The following DCC variants were observed in gnomAD, a reference collection of about 807,000 sequenced individuals.
DCC encodes DCC netrin 1 receptor.
A neutral mutation model predicts 172.5 loss-of-function variants in DCC; 58 were observed. The ratio of observed to expected loss-of-function variants is 0.34; its 90% CI spans 0.27 to 0.42. The LOEUF is 0.42. Ranked by LOEUF, DCC falls within the 10% of genes least tolerant of loss-of-function variation. DCC has a pLI of 1.00. For synonymous variants in DCC, 709 were observed against 644.5 expected (o/e 1.10, Z -1.52); for missense variants, 1,740 against 1,791.0 (o/e 0.97, Z 0.51).
intron 12 of DCC, among the ~76,000 whole-genome samples, chr18:53,257,811 G>A (rs1334774947): frequency 1.3e-5 from 2 of 152,270 alleles, no homozygotes; most frequent in Admixed American, 1.3e-4. Flanking sequence ...TGTACCTCTG[G>A]TAGAATTTGG....
At chr18:52,969,647 C>G (rs2040997502) in intron 5 of DCC, among the ~76,000 whole-genome samples, 1 of 150,362 alleles carries the variant, frequency 6.7e-6, no homozygotes, top group South Asian at 2.1e-4. Context: ...GTGTCTCTCT[C>G]TCTCTTTCTC....
chr18:52,945,261 A>G (rs920970815), intron 5 of DCC, among the ~76,000 whole-genome samples: 2 of 152,196 alleles, frequency 1.3e-5, no homozygotes, highest in African/African-American at 2.4e-5. Flanking sequence ...TTATATGAAC[A>G]ATGCTTAAGA....
intron 1 of DCC, among the ~76,000 whole-genome samples, chr18:52,603,459 T>A (rs564620824): frequency 6.6e-6 from 1 of 151,956 alleles, no homozygotes; most frequent in East Asian, 1.9e-4. Flanking sequence ...ACTATCAAGA[T>A]GGGAAAACTA....
chr18:52,616,890 A>AC (rs1179225494), intron 1 of DCC, among the ~76,000 whole-genome samples: 2 of 152,134 alleles, frequency 1.3e-5, no homozygotes, highest in East Asian at 3.9e-4. Context: ...TACTGGGCTT[A>AC]TTTTTGGAGG....
chr18:52,702,451 G>A (rs2036141600), intron 1 of DCC, among the ~76,000 whole-genome samples: 1 of 152,084 alleles, frequency 6.6e-6, no homozygotes, highest in African/African-American at 2.4e-5. Flanking sequence ...CCCTGAGTAT[G>A]GTTCTTATAC....
chr18:52,440,722 C>T (rs1203592873), intron 1 of DCC, among the ~76,000 whole-genome samples: 1 of 152,158 alleles, frequency 6.6e-6, no homozygotes, highest in Non-Finnish European at 1.5e-5. Context: ...CTTTCTGAGC[C>T]TTAAGCACCA....
chr18:53,528,523 A>G (rs147983777), intron 28 of DCC, among the ~76,000 whole-genome samples: 1 of 152,228 alleles, frequency 6.6e-6, no homozygotes, highest in East Asian at 1.9e-4. Flanking sequence ...TTAAAGGTTG[A>G]CTCTAAAGAA....
intron 1 of DCC, among the ~76,000 whole-genome samples, chr18:52,462,695 T>A (rs990980577): frequency 6.6e-6 from 1 of 152,016 alleles, no homozygotes; most frequent in Admixed American, 6.6e-5. Flanking sequence ...TGTTTGTTTA[T>A]GTATTATTAT....
At chr18:52,473,837 A>G (rs886581374) in intron 1 of DCC, among the ~76,000 whole-genome samples, 3 of 152,032 alleles carry the variant, frequency 2.0e-5, no homozygotes, top group African/African-American at 4.8e-5. Flanking sequence ...TCCTCAGCAG[A>G]GTCATTGATT....
chr18:53,193,546 T>C (rs963277638), intron 9 of DCC, among the ~76,000 whole-genome samples: 2 of 152,158 alleles, frequency 1.3e-5, no homozygotes, highest in Non-Finnish European at 2.9e-5. Flanking sequence ...CCTAGCCACA[T>C]AGCTTGAGTG....
chr18:52,988,699 T>A (rs866681239), intron 5 of DCC, among the ~76,000 whole-genome samples: 39 of 152,248 alleles, frequency 2.6e-4, no homozygotes, highest in African/African-American at 8.7e-4. Context: ...AACTTTAATC[T>A]TTCTATTAAG....
intron 1 of DCC, among the ~76,000 whole-genome samples, chr18:52,518,804 C>T (rs73957915): frequency 0.043 from 6,589 of 152,148 alleles, 468 homozygotes; most frequent in African/African-American, 0.15. Context: ...ATGACTGGAC[C>T]CCTATGGTGC....
At chr18:52,445,126 G>A (rs1988083248) in intron 1 of DCC, among the ~76,000 whole-genome samples, 1 of 152,062 alleles carries the variant, frequency 6.6e-6, no homozygotes, top group Non-Finnish European at 1.5e-5. Context: ...TAAAAGGAGA[G>A]GGAAGAAAAA....
At chr18:53,240,753 A>G (rs2056280188) in intron 12 of DCC, among the ~76,000 whole-genome samples, 1 of 152,166 alleles carries the variant, frequency 6.6e-6, no homozygotes, top group African/African-American at 2.4e-5. Flanking sequence ...TATCATTTTT[A>G]TCATTTAATA....
At chr18:53,222,342 T>C (rs2055947885) in intron 12 of DCC, among the ~76,000 whole-genome samples, 1 of 151,840 alleles carries the variant, frequency 6.6e-6, no homozygotes, top group South Asian at 2.1e-4. Context: ...AAAGTCTATT[T>C]GAGAGAATAC....
intron 24 of DCC, among the ~76,000 whole-genome samples, chr18:53,467,265 G>GT: frequency 6.6e-6 from 1 of 151,896 alleles, no homozygotes; most frequent in Non-Finnish European, 1.5e-5. Context: ...CAGAACTTCA[G>GT]TTTTTTTAAT....
intron 1 of DCC, among the ~76,000 whole-genome samples, chr18:52,701,036 G>A (rs766077889): frequency 6.6e-6 from 1 of 152,116 alleles, no homozygotes; most frequent in Non-Finnish European, 1.5e-5. Flanking sequence ...GATAGCCTCC[G>A]ATCAGTGACT....
At chr18:52,742,771 A>G (rs1055320605) in intron 1 of DCC, among the ~76,000 whole-genome samples, 2 of 152,230 alleles carry the variant, frequency 1.3e-5, no homozygotes, top group African/African-American at 4.8e-5. Flanking sequence ...GACATGTAGT[A>G]TGAATGAGTT....
chr18:53,302,141 G>C (rs1040003384), intron 12 of DCC, among the ~76,000 whole-genome samples: 1 of 151,882 alleles, frequency 6.6e-6, no homozygotes, highest in Admixed American at 6.6e-5. Flanking sequence ...ACCTACCCTC[G>C]TGAACTAATT....
Sources: gnomAD v4.1 joint callset for allele counts (sites outside exome capture counted in the v4.1 genomes callset) on GRCh38, gnomAD v4.1.1 for gene constraint, MANE v1.5 for transcripts, NCBI Gene and HGNC (gene_info 2026-07-23, HGNC 2026-07-21) for gene names.